CFAP52: variants seen among roughly 807,000 people sequenced by gnomAD.
The protein encoded by CFAP52 is cilia and flagella associated protein 52, also known as cilia- and flagella-associated protein 52.
CFAP52 carries 57 observed loss-of-function variants against 70.5 expected under a neutral mutation model. That is an observed-to-expected ratio of 0.81 (90% confidence interval 0.65 to 1.01). CFAP52 has a LOEUF of 1.01. CFAP52 is among the 50% of genes least tolerant of loss of function. CFAP52 has a pLI of 0.00. For synonymous variants in CFAP52, 267 were observed against 292.5 expected (o/e 0.91, Z 0.89); for missense variants, 785 against 788.5 (o/e 1.00, Z 0.05).
intron 4 of CFAP52, among the ~76,000 whole-genome samples, chr17:9,596,622 C>T (rs1328599519): frequency 6.6e-6 from 1 of 152,106 alleles, no homozygotes; most frequent in Non-Finnish European, 1.5e-5. Flanking sequence ...CAAGACTCCA[C>T]ACCACAGGTC....
At chr17:9,578,446 A>C (rs1157278552) in intron 1 of CFAP52, among the ~76,000 whole-genome samples, 1 of 152,216 alleles carries the variant, frequency 6.6e-6, no homozygotes, top group Non-Finnish European at 1.5e-5. Flanking sequence ...TCAGTTAGTA[A>C]GTGCCTATGA....
intron 8 of CFAP52, among the ~76,000 whole-genome samples, chr17:9,612,911 T>C (rs1052624878): frequency 2.0e-5 from 3 of 152,200 alleles, no homozygotes; most frequent in Non-Finnish European, 4.4e-5. Context: ...TTCAATAAAT[T>C]ACATGAGATA....
chr17:9,596,051 A>ATATG, intron 4 of CFAP52, among the ~76,000 whole-genome samples: 1 of 77,422 alleles, frequency 1.3e-5, no homozygotes, highest in Admixed American at 1.6e-4. Flanking sequence ...GTAGATATAT[A>ATATG]TGTGTGTGTA....
chr17:9,625,910 G>A (rs1191844483), intron 8 of CFAP52, among the ~76,000 whole-genome samples: 6 of 152,124 alleles, frequency 3.9e-5, no homozygotes, highest in Admixed American at 6.5e-5. Flanking sequence ...GCTCTTATCT[G>A]GCTGATTTCT....
chr17:9,624,854 A>G (rs879826967), intron 8 of CFAP52, among the ~76,000 whole-genome samples: 1 of 152,180 alleles, frequency 6.6e-6, no homozygotes, highest in Non-Finnish European at 1.5e-5. Flanking sequence ...AGTATGCATC[A>G]TCTGTTATTC....
In CFAP52 at chr17:9,596,059, G is replaced by GTATATATA. The variant is rs796314327; in HGVS notation, c.536+1774_536+1781dup. Among the ~76,000 whole-genome samples the GTATATATA allele has an allele frequency of 9.4e-5, 8 of 85,210 alleles. No homozygotes were observed. In the East Asian group the frequency reaches 1.9e-3, roughly 20 times the overall value. The allele number at this position is 85,210 out of a possible 152,430, so 55.9% of individuals were successfully genotyped here. ...TATGTATGTAGATATATATGTGTGTGTATATATATATATATATATATATAT... is the reference window on the plus strand; with the variant it reads ...TATGTATGTAGATATATATGTGTGTGTATATATATATATATATATATATATATATATAT... On this transcript the variant is annotated intron_variant, in intron 4 of 13. Coordinates refer to ENST00000352665, the MANE Select transcript of CFAP52 (RefSeq NM_145054.5).
Position 9,585,972 on chromosome 17 carries a change from G to T in CFAP52, c.270G>T (p.Lys90Asn). The change falls in exon 2 of 14, where the codon AAG (lysine) becomes AAT (asparagine). Residue 90 changes from lysine (K) to asparagine (N), a missense_variant and splice_region_variant. By Grantham distance (94) the Lys-to-Asn change is moderately conservative. Transcript: ENST00000352665. ...GACAAGTCACATTCATGGGGTTCAA[G>T]GTGAATACAGTGAAAACGACTCATT... ...ASGQVTFMGF[K>N]ADIILWDYKN... 1 of 1,613,548 alleles carries T rather than the reference G, an allele frequency of 6.2e-7. No individual in the cohort carries two copies. The highest frequency in any genetic ancestry group is 8.5e-7 in the Non-Finnish European group (1 of 1,179,808).
intron 3 of CFAP52, among the ~76,000 whole-genome samples, chr17:9,589,314 T>C (rs1459309998): frequency 3.3e-5 from 5 of 152,218 alleles, no homozygotes; most frequent in Admixed American, 3.3e-4. Context: ...TGTATAGTTA[T>C]ATAACGATAG....
intron 7 of CFAP52, among the ~76,000 whole-genome samples, chr17:9,609,561 T>A (rs999422117): frequency 6.6e-6 from 1 of 152,002 alleles, no homozygotes; most frequent in African/African-American, 2.4e-5. Flanking sequence ...CCAGATGTGG[T>A]GGCACATACC....
chr17:9,637,112 CTG>C (rs1366133302), intron 11 of CFAP52, among the ~76,000 whole-genome samples: 4 of 152,130 alleles, frequency 2.6e-5, no homozygotes, highest in Non-Finnish European at 4.4e-5. Context: ...TCTTCTAGCC[CTG>C]TGTGTCTCCT....
intron 8 of CFAP52, among the ~76,000 whole-genome samples, chr17:9,626,839 A>G (rs1910254536): frequency 6.6e-6 from 1 of 152,134 alleles, no homozygotes; most frequent in Non-Finnish European, 1.5e-5. Flanking sequence ...TGTGGAAGGG[A>G]TCCACTTATT....
intron 1 of CFAP52, among the ~76,000 whole-genome samples, chr17:9,584,876 G>C (rs1908386090): frequency 6.6e-6 from 1 of 152,094 alleles, no homozygotes; most frequent in Non-Finnish European, 1.5e-5. Flanking sequence ...GCCTGCCTCG[G>C]CCTCCCAAGT....
At position 9,633,106 on chromosome 17, in the gene CFAP52, C is replaced by T. The variant is rs938402590; in HGVS notation, c.1320+73C>T. ...TGCCCTATAGGAAGCCATCTATTTG[C>T]TTTTAAAAATACACACCTTTGCTAG... On this transcript the variant is annotated intron_variant, in intron 10 of 13. Transcript: ENST00000352665. 2.6e-6 allele frequency: 4 copies of T among 1,518,758 alleles called. No homozygotes were observed. In the Admixed American group the frequency reaches 6.2e-5, roughly 23 times the overall value. The allele number at this position is 1,518,758 out of a possible 1,614,324, so 94.1% of individuals were successfully genotyped here.
intron 9 of CFAP52, among the ~76,000 whole-genome samples, chr17:9,630,063 A>G (rs1910407009): frequency 6.6e-6 from 1 of 151,532 alleles, no homozygotes; most frequent in Non-Finnish European, 1.5e-5. Context: ...TTTTTCTCTT[A>G]TGCCCACATC....
At chr17:9,600,242 CTTTT>C in intron 6 of CFAP52, 59 bp downstream of exon 6, 1 of 1,311,814 alleles carries the variant, frequency 7.6e-7, no homozygotes, top group Non-Finnish European at 1.1e-6. Context: ...GCAGCATGTA[CTTTT>C]TTTTTTCCTT....
chr17:9,578,869 T>G (rs1336182388), intron 1 of CFAP52, among the ~76,000 whole-genome samples: 3 of 152,170 alleles, frequency 2.0e-5, no homozygotes, highest in African/African-American at 7.2e-5. Flanking sequence ...GTGCATGGCC[T>G]TAGGTCCTGT....
intron 12 of CFAP52, among the ~76,000 whole-genome samples, chr17:9,639,709 G>A (rs1025643626): frequency 2.6e-5 from 4 of 152,252 alleles, no homozygotes; most frequent in East Asian, 1.9e-4. Context: ...TGATACTGGC[G>A]GGCGGGGGAA....
Position 9,630,667 on chromosome 17 carries a change from T to C in CFAP52, c.1174+1847T>C, listed in dbSNP as rs185452810. Among the ~76,000 whole-genome samples, 343 of 150,970 alleles carry C rather than the reference T, an allele frequency of 2.3e-3. 2 individuals are homozygous for C. Among genetic ancestry groups the C allele is most frequent in the Admixed American group, 0.018 (281 of 15,224 alleles). On this transcript the variant is annotated intron_variant, in intron 9 of 13. Transcript: ENST00000352665. ...GGATGGTCTGGATCTCCTGACCTCG[T>C]GATCCGCCCGCCTCGGTCTCCCAAA...
intron 13 of CFAP52, among the ~76,000 whole-genome samples, chr17:9,642,327 T>C (rs1911106503): frequency 6.6e-6 from 1 of 152,184 alleles, no homozygotes; most frequent in Non-Finnish European, 1.5e-5. Flanking sequence ...CATCAGGATA[T>C]TAACAAATAA....
Sources: gnomAD v4.1 joint callset for allele counts (sites outside exome capture counted in the v4.1 genomes callset) on GRCh38, gnomAD v4.1.1 for gene constraint, MANE v1.5 for transcripts, NCBI Gene and HGNC (gene_info 2026-07-23, HGNC 2026-07-21) for gene names.